The following DNAH5 variants were observed in gnomAD, a reference collection of about 807,000 sequenced individuals.
The protein encoded by DNAH5 is dynein axonemal heavy chain 5, also known as axonemal beta dynein heavy chain 5.
Under a neutral mutation model 518.2 loss-of-function variants are expected in DNAH5, and 372 were observed. The ratio of observed to expected loss-of-function variants is 0.72; its 90% CI spans 0.66 to 0.78. DNAH5 has a LOEUF of 0.78. DNAH5 is among the 30% of genes least tolerant of loss of function. DNAH5 has a pLI of 0.00. For synonymous variants in DNAH5, 2,039 were observed against 2,025.9 expected, an observed-to-expected ratio of 1.01 and a Z score of -0.17; for missense variants, 5,523 against 5,687.0, an observed-to-expected ratio of 0.97 and a Z score of 0.93.
intron 52 of DNAH5, among the ~76,000 whole-genome samples, chr5:13,785,595 A>G (rs1035422250): frequency 6.6e-6 from 1 of 152,178 alleles, no homozygotes; most frequent in African/African-American, 2.4e-5. Flanking sequence ...TTGTGCAACT[A>G]TCAGCACCAC....
chr5:13,722,333 C>T (rs1046355762), intron 70 of DNAH5, among the ~76,000 whole-genome samples: 1 of 152,224 alleles, frequency 6.6e-6, no homozygotes, highest in South Asian at 2.1e-4. Flanking sequence ...CCCTCATCTT[C>T]GATATCTTGC....
chr5:13,913,505 G>C (rs1463642093), intron 11 of DNAH5, among the ~76,000 whole-genome samples: 1 of 151,916 alleles, frequency 6.6e-6, no homozygotes, highest in East Asian at 1.9e-4. Flanking sequence ...TTTTAATGGT[G>C]ATTAATTTTA....
intron 1 of DNAH5, among the ~76,000 whole-genome samples, chr5:14,004,005 G>A: frequency 6.6e-6 from 1 of 152,204 alleles, no homozygotes; most frequent in East Asian, 1.9e-4. Context: ...ATGGAAATCG[G>A]AAGAGAAAAT....
intron 47 of DNAH5, among the ~76,000 whole-genome samples, chr5:13,801,400 A>G (rs966569865): frequency 6.6e-6 from 1 of 152,220 alleles, no homozygotes; most frequent in African/African-American, 2.4e-5. Flanking sequence ...TCATGAGCCA[A>G]TTAAACCTCT....
chr5:13,798,679 A>C (rs1369709937), intron 47 of DNAH5, among the ~76,000 whole-genome samples: 3 of 151,402 alleles, frequency 2.0e-5, no homozygotes, highest in Non-Finnish European at 4.4e-5. Context: ...ACTCTATACA[A>C]CTGTCCTTGA....
chr5:13,981,252 T>A (rs1050779572), intron 1 of DNAH5, among the ~76,000 whole-genome samples: 1 of 152,192 alleles, frequency 6.6e-6, no homozygotes, highest in African/African-American at 2.4e-5. Context: ...AAAATCCAGA[T>A]GATTCAGATG....
At chr5:13,763,433 A>C (rs1752047294) in intron 59 of DNAH5, among the ~76,000 whole-genome samples, 1 of 152,234 alleles carries the variant, frequency 6.6e-6, no homozygotes, top group Non-Finnish European at 1.5e-5. Context: ...GAGGGTGATG[A>C]ATTAATTTTT....
At chr5:13,747,366 T>C (rs1009498990) in intron 65 of DNAH5, among the ~76,000 whole-genome samples, 6 of 152,216 alleles carry the variant, frequency 3.9e-5, no homozygotes, top group African/African-American at 1.4e-4. Context: ...CATGTATCTT[T>C]ATAGCAGCAT....
chr5:14,001,101 T>C (rs183416481), intron 1 of DNAH5, among the ~76,000 whole-genome samples: 40 of 152,140 alleles, frequency 2.6e-4, no homozygotes, highest in Admixed American at 1.5e-3. Context: ...TGGGTACACA[T>C]GAACGTAGAG....
chr5:13,924,203 A>G (rs1298571256), intron 3 of DNAH5, among the ~76,000 whole-genome samples: 1 of 152,154 alleles, frequency 6.6e-6, no homozygotes, highest in Non-Finnish European at 1.5e-5. Flanking sequence ...ACCTGGTTAT[A>G]TTTCAAATAC....
chr5:13,772,825 A>T (rs111885284), intron 55 of DNAH5, among the ~76,000 whole-genome samples: 9 of 152,342 alleles, frequency 5.9e-5, no homozygotes, highest in African/African-American at 2.2e-4. Flanking sequence ...ATGCTAACAC[A>T]AACGAATGAT....
rs1420575942 is a variant in DNAH5 at position 13,752,180 on chromosome 5, T to C, written c.10982A>G (p.Asp3661Gly). The change falls in exon 64 of 79, where the codon GAT becomes GGT. Residue 3661 changes from aspartate (D) to glycine (G), a missense_variant. This residue lies in a region of DNAH5 where 5,121 missense variants were observed against 5,223.3 expected (regional missense o/e 0.98). Coordinates refer to ENST00000265104, the MANE Select transcript of DNAH5 (RefSeq NM_001369.3). ...AATGAAGTTTCTTTCCAAAACATTATCTAGTGCTGGATCTAGTTCCTCTCC... is the reference window on the plus strand; with the variant it reads ...AATGAAGTTTCTTTCCAAAACATTACCTAGTGCTGGATCTAGTTCCTCTCC... The part of the protein sequence containing the change: ...DVGEELDPAL[D>G]NVLERNFIKT... 5 of 1,613,888 alleles carry C rather than the reference T, an allele frequency of 3.1e-6. No homozygotes were observed. Among genetic ancestry groups the C allele is most frequent in the Non-Finnish European group, 2.5e-6 (3 of 1,179,950 alleles).
intron 1 of DNAH5, among the ~76,000 whole-genome samples, chr5:13,956,444 T>A (rs1281145666): frequency 5.3e-5 from 8 of 152,256 alleles, no homozygotes; most frequent in Non-Finnish European, 1.2e-4. Context: ...ATTCTGTTTT[T>A]ATCCCCTTGA....
intron 31 of DNAH5, among the ~76,000 whole-genome samples, chr5:13,845,331 CACTATG>C (rs1765833222): frequency 1.3e-5 from 2 of 151,394 alleles, no homozygotes; most frequent in African/African-American, 4.9e-5. Flanking sequence ...AAGATAAAAA[CACTATG>C]TAGAGAGTAA....
intron 68 of DNAH5, among the ~76,000 whole-genome samples, chr5:13,730,228 C>T (rs376339129): frequency 2.6e-5 from 4 of 152,170 alleles, no homozygotes; most frequent in Non-Finnish European, 2.9e-5. Context: ...ATGTAACCCA[C>T]GTAACTCTGA....
intron 1 of DNAH5, among the ~76,000 whole-genome samples, chr5:13,953,642 T>TC (rs1490136639): frequency 3.9e-5 from 6 of 152,250 alleles, no homozygotes; most frequent in Admixed American, 1.3e-4. Context: ...ACAATTACTT[T>TC]CTTTTGATTG....
rs747191200 is a variant in DNAH5, at chr5:13,714,489, T to A, written c.13041A>T (p.Gly4347=). ...LGIQPKDTSG[G]GDETREAVVA... Reference sequence around the variant, plus strand: ...CCACCGCCTCCCGGGTCTCATCCCCTCCACCAGAGGTGTCCTTGGGTTGGA... The same window carrying A: ...CCACCGCCTCCCGGGTCTCATCCCCACCACCAGAGGTGTCCTTGGGTTGGA... The change falls in exon 75 of 79, where the codon GGA becomes GGT. Residue 4347 remains glycine (G), a synonymous_variant. Coordinates refer to ENST00000265104, the MANE Select transcript of DNAH5 (RefSeq NM_001369.3). 1.2e-6 allele frequency: 2 copies of A among 1,614,136 alleles called. No homozygotes were observed. The highest frequency in any genetic ancestry group is 4.5e-5 in the East Asian group (2 of 44,868).
intron 35 of DNAH5, 26 bp from the exon 36 acceptor site, chr5:13,830,801 A>T (rs186311706): frequency 6.2e-7 from 1 of 1,612,910 alleles, no homozygotes; most frequent in East Asian, 2.2e-5. Context: ...CATCACTAGA[A>T]CCAGCCCTCA....
chr5:13,716,785 TTCAG>T (rs1357197547), intron 73 of DNAH5, 95 bp from the exon 74 acceptor site: 2 of 839,068 alleles, frequency 2.4e-6, no homozygotes, highest in African/African-American at 1.7e-5. Context: ...TTCAACATCA[TTCAG>T]TCAGTCACTC....
Sources: gnomAD v4.1 joint callset for allele counts (sites outside exome capture counted in the v4.1 genomes callset) on GRCh38, gnomAD v4.1.1 for gene constraint, gnomAD v4.1.1 regional missense constraint, MANE v1.5 for transcripts, NCBI Gene and HGNC (gene_info 2026-07-23, HGNC 2026-07-21) for gene names.